The following EXOC4 variants were observed in gnomAD, a reference collection of about 807,000 sequenced individuals.
EXOC4 encodes exocyst complex component 4, also known as SEC8-like 1.
Under a neutral mutation model 107.2 loss-of-function variants are expected in EXOC4, and 71 were observed. The ratio of observed to expected loss-of-function variants is 0.66; its 90% CI spans 0.55 to 0.81. The LOEUF is 0.81. Ranked by LOEUF, EXOC4 falls within the 30% of genes least tolerant of loss-of-function variation. The pLI is 0.00. For missense variants in EXOC4, 1,108 were observed against 1,189.6 expected, an observed-to-expected ratio of 0.93 and a Z score of 1.01; for synonymous variants, 456 against 441.2, an observed-to-expected ratio of 1.03 and a Z score of -0.42.
intron 11 of EXOC4, among the ~76,000 whole-genome samples, chr7:133,837,823 A>G (rs1416878600): frequency 6.6e-6 from 1 of 152,212 alleles, no homozygotes; most frequent in Non-Finnish European, 1.5e-5. Context: ...GGAGGTGTCT[A>G]AGTTGGATAA....
At chr7:134,039,639 T>C (rs1162040321) in intron 17 of EXOC4, among the ~76,000 whole-genome samples, 2 of 152,170 alleles carry the variant, frequency 1.3e-5, no homozygotes, top group African/African-American at 2.4e-5. Flanking sequence ...TCATATTGCT[T>C]TTCCTTGCTG....
At chr7:133,932,323 A>G (rs1191636150) in intron 13 of EXOC4, among the ~76,000 whole-genome samples, 1 of 152,228 alleles carries the variant, frequency 6.6e-6, no homozygotes. Context: ...GGAGCTCACC[A>G]TCTTAGGAAC....
At chr7:133,429,523 C>G (rs1323151107) in intron 7 of EXOC4, among the ~76,000 whole-genome samples, 2 of 152,152 alleles carry the variant, frequency 1.3e-5, no homozygotes, top group African/African-American at 4.8e-5. Flanking sequence ...TTGCAACTAT[C>G]ACCACTGTCT....
the EXOC4 span, among the ~76,000 whole-genome samples, chr7:134,079,812 A>T: frequency 1.3e-5 from 2 of 152,204 alleles, no homozygotes; most frequent in Non-Finnish European, 2.9e-5. Context: ...TTCAATGCAA[A>T]TTTGCAAGGC....
In EXOC4 at chr7:133,374,998, TACAG is replaced by T. The variant is rs1223966510; in HGVS notation, c.1179_1182del (p.Gln394CysfsTer3). 6.2e-7 allele frequency: 1 copy of T among 1,612,912 alleles called. No homozygotes were observed. The highest frequency in any genetic ancestry group is 1.7e-5 in the Admixed American group (1 of 59,982). On this transcript the variant is annotated frameshift_variant and splice_region_variant, in exon 7 of 18. Coordinates refer to ENST00000253861, the MANE Select transcript of EXOC4 (RefSeq NM_021807.4). LOFTEE classifies it high-confidence loss of function. ...GTATGGGTGAAGATCCAAGATGTTC[TACAG>T]GTAAGAGCCTTTTACAAAGGGTGTC... is the stretch of plus-strand genomic sequence containing the variant.
At chr7:133,959,809 A>C (rs1157292993) in intron 14 of EXOC4, among the ~76,000 whole-genome samples, 3 of 152,182 alleles carry the variant, frequency 2.0e-5, no homozygotes, top group Non-Finnish European at 2.9e-5. Context: ...AAAAGAAAAA[A>C]AACTATCAGA....
the EXOC4 span, among the ~76,000 whole-genome samples, chr7:134,091,147 T>A: frequency 8.0e-3 from 1,220 of 152,094 alleles, 21 homozygotes; most frequent in African/African-American, 0.028. Context: ...AAGAAAAAAT[T>A]CAGGGAGAGT....
chr7:133,802,269 T>G (rs1020886478), intron 10 of EXOC4, among the ~76,000 whole-genome samples: 2 of 152,202 alleles, frequency 1.3e-5, no homozygotes, highest in African/African-American at 4.8e-5. Flanking sequence ...TGGAAATAAT[T>G]ATCACTGTCA....
intron 9 of EXOC4, among the ~76,000 whole-genome samples, chr7:133,502,427 C>T (rs1799592613): frequency 6.6e-6 from 1 of 152,136 alleles, no homozygotes; most frequent in African/African-American, 2.4e-5. Context: ...CTTGGATATT[C>T]AGTGGCTGAA....
At chr7:134,084,730 AT>A in the EXOC4 span, among the ~76,000 whole-genome samples, 1 of 150,464 alleles carries the variant, frequency 6.6e-6, no homozygotes, top group Non-Finnish European at 1.5e-5. Flanking sequence ...AAAAAAAAAA[AT>A]TCACCAAAAG....
intron 10 of EXOC4, among the ~76,000 whole-genome samples, chr7:133,665,712 A>G (rs1793795451): frequency 2.0e-5 from 3 of 152,140 alleles, no homozygotes; most frequent in Admixed American, 2.0e-4. Context: ...TGGATGATCT[A>G]CAAAAATATA....
chr7:133,635,909 C>G (rs1314224216), intron 10 of EXOC4, among the ~76,000 whole-genome samples: 1 of 152,124 alleles, frequency 6.6e-6, no homozygotes, highest in African/African-American at 2.4e-5. Flanking sequence ...TTAATTACCT[C>G]CTTTAGAGAA....
intron 2 of EXOC4, among the ~76,000 whole-genome samples, chr7:133,282,123 T>A (rs1794170632): frequency 6.6e-6 from 1 of 152,236 alleles, no homozygotes. Flanking sequence ...AAGGCAGTTT[T>A]ATTCAAAGCC....
At chr7:133,926,042 C>CAAAAA (rs552126104) in intron 13 of EXOC4, among the ~76,000 whole-genome samples, 5 of 104,670 alleles carry the variant, frequency 4.8e-5, no homozygotes, top group African/African-American at 1.7e-4. Context: ...GACTCCGTCT[C>CAAAAA]AAAAAAAAAA....
chr7:133,549,367 T>C (rs1185062320), intron 9 of EXOC4, among the ~76,000 whole-genome samples: 1 of 152,110 alleles, frequency 6.6e-6, no homozygotes, highest in Admixed American at 6.6e-5. Flanking sequence ...GGTTATTAAT[T>C]GGTATATTTT....
In EXOC4 at chr7:133,454,702, A is replaced by G. The variant is rs532826087; in HGVS notation, c.1183-20626A>G. 1.1e-3 allele frequency among the ~76,000 whole-genome samples: 166 copies of G among 152,334 alleles called. 1 individual carries two copies. Among genetic ancestry groups the G allele is most frequent in the Non-Finnish European group, 1.7e-3 (119 of 68,038 alleles). On this transcript the variant is annotated intron_variant, in intron 7 of 17. Coordinates refer to ENST00000253861, the MANE Select transcript of EXOC4 (RefSeq NM_021807.4). ...AATAGAACTTATTTCTAAGATGGCA[A>G]TATGTGATTACAGTAGTCCTCCCTT...
intron 10 of EXOC4, among the ~76,000 whole-genome samples, chr7:133,718,597 A>G (rs1200656261): frequency 6.6e-6 from 1 of 152,144 alleles, no homozygotes; most frequent in African/African-American, 2.4e-5. Context: ...GAAGACTTCA[A>G]TTCAAATCCC....
intron 10 of EXOC4, among the ~76,000 whole-genome samples, chr7:133,764,841 T>G (rs1287506716): frequency 6.6e-6 from 1 of 152,062 alleles, no homozygotes; most frequent in African/African-American, 2.4e-5. Flanking sequence ...TTGTTCTCTT[T>G]GACATCTGGA....
intron 14 of EXOC4, among the ~76,000 whole-genome samples, chr7:133,974,009 A>G (rs1412606323): frequency 6.6e-6 from 1 of 152,190 alleles, no homozygotes; most frequent in Non-Finnish European, 1.5e-5. Flanking sequence ...CACTCCTGCT[A>G]TGATGGCCTT....
Sources: allele counts gnomAD v4.1 joint callset (sites outside exome capture counted in the v4.1 genomes callset), GRCh38; gene constraint gnomAD v4.1.1; transcripts MANE v1.5; gene names NCBI Gene and HGNC (gene_info 2026-07-23, HGNC 2026-07-21).